The following ATG10 variants were observed in gnomAD, a reference collection of about 807,000 sequenced individuals.
ATG10 encodes the protein ubiquitin-like-conjugating enzyme ATG10.
ATG10 carries 30 observed loss-of-function variants against 32.1 expected under a neutral mutation model. The observed-to-expected ratio is 0.94, with a 90% confidence interval of 0.70 to 1.27. The LOEUF (loss-of-function observed/expected upper bound fraction) is 1.27. Among genes scored for constraint, ATG10 ranks in the 50% most tolerant of loss-of-function variants. The probability of loss-of-function intolerance (pLI) is 0.00; values close to 1 mark genes in which losing one functional copy is unlikely to be tolerated. For missense variants in ATG10, 233 were observed against 262.3 expected, an observed-to-expected ratio of 0.89 and a Z score of 0.77; for synonymous variants, 87 against 91.5, an observed-to-expected ratio of 0.95 and a Z score of 0.28.
In ATG10 at chr5:82,151,718, G is replaced by A. The variant is rs188371063; in HGVS notation, c.217-12681G>A. Among the ~76,000 whole-genome samples the A allele has an allele frequency of 1.1e-3, 164 of 151,660 alleles. 2 individuals carry two copies. Among genetic ancestry groups the A allele is most frequent in the African/African-American group, 3.9e-3 (160 of 41,388 alleles). On this transcript the variant is annotated intron_variant, in intron 3 of 7. Coordinates refer to ENST00000282185, the MANE Select transcript of ATG10 (RefSeq NM_031482.5). Reference sequence around the variant, plus strand: ...TCCAAATTTAAAATTAAGATTATTTGAAATATGGATTTATATTTGCTATTA... The same window carrying A: ...TCCAAATTTAAAATTAAGATTATTTAAAATATGGATTTATATTTGCTATTA...
intron 3 of ATG10, among the ~76,000 whole-genome samples, chr5:82,159,408 T>C (rs1206344273): frequency 6.6e-6 from 1 of 152,138 alleles, no homozygotes; most frequent in Non-Finnish European, 1.5e-5. Context: ...CTAGGTGGCA[T>C]TGGGTAAGGC....
chr5:82,062,736 T>G (rs1763824462), intron 3 of ATG10, among the ~76,000 whole-genome samples: 1 of 152,148 alleles, frequency 6.6e-6, no homozygotes, highest in African/African-American at 2.4e-5. Context: ...GCCTCCAAGT[T>G]GGAAACTAAC....
chr5:82,212,337 C>G (rs146835907), intron 5 of ATG10, among the ~76,000 whole-genome samples: 129 of 152,278 alleles, frequency 8.5e-4, no homozygotes, highest in African/African-American at 2.8e-3. Flanking sequence ...TCTTTCTTCT[C>G]AAGGATGACT....
chr5:82,061,777 C>G (rs1763783377), intron 3 of ATG10, among the ~76,000 whole-genome samples: 1 of 70,144 alleles, frequency 1.4e-5, no homozygotes, highest in African/African-American at 4.3e-5. Flanking sequence ...TATACATGTA[C>G]ACATATATAT....
chr5:82,125,542 A>G (rs1478836072), intron 3 of ATG10, among the ~76,000 whole-genome samples: 2 of 152,126 alleles, frequency 1.3e-5, no homozygotes, highest in East Asian at 3.8e-4. Flanking sequence ...TGTTTTCCCT[A>G]TTGCTTGTTT....
At chr5:82,166,700 C>T (rs1272221033) in intron 4 of ATG10, among the ~76,000 whole-genome samples, 1 of 151,948 alleles carries the variant, frequency 6.6e-6, no homozygotes, top group Non-Finnish European at 1.5e-5. Flanking sequence ...AAATCTCTGT[C>T]AGTGTGGTGA....
intron 2 of ATG10, among the ~76,000 whole-genome samples, chr5:82,046,712 GT>G (rs1176427329): frequency 6.6e-6 from 1 of 152,196 alleles, no homozygotes; most frequent in Non-Finnish European, 1.5e-5. Flanking sequence ...AACTGGGAAA[GT>G]TAATTAATTA....
In ATG10 at chr5:82,042,454, T is replaced by C. The variant is rs552487173; in HGVS notation, c.109-16041T>C. 2.0e-5 allele frequency among the ~76,000 whole-genome samples: 3 copies of C among 152,266 alleles called. No individual in the cohort carries two copies. In the South Asian group the frequency reaches 6.2e-4, roughly 32 times the overall value. On this transcript the variant is annotated intron_variant, in intron 2 of 7. Transcript: ENST00000282185. ...AACCGTATCATTCCACCTTGGCCCC[T>C]CTCAAATCTCATGTCCTTCTCACAT...
intron 3 of ATG10, among the ~76,000 whole-genome samples, chr5:82,152,900 A>G (rs1401512567): frequency 6.6e-6 from 1 of 152,206 alleles, no homozygotes; most frequent in Non-Finnish European, 1.5e-5. Flanking sequence ...GGCAACAGAC[A>G]ATTTATACTC....
At chr5:81,975,130 C>G (rs973606662) in intron 1 of ATG10, among the ~76,000 whole-genome samples, 40 of 152,242 alleles carry the variant, frequency 2.6e-4, no homozygotes, top group African/African-American at 9.4e-4. Context: ...AAAAGTTGCT[C>G]TGAGGATTTG....
rs145443099 is a variant in ATG10 at position 82,131,530 on chromosome 5, A to G, written c.217-32869A>G. The stretch of plus-strand genomic sequence containing the variant: ...CAGTCTATATTACAGAGTTTCTTCA[A>G]GAATAAGACAAAATGAGATAATAGA... On this transcript the variant is annotated intron_variant, in intron 3 of 7. Coordinates refer to ENST00000282185, the MANE Select transcript of ATG10 (RefSeq NM_031482.5). Among the ~76,000 whole-genome samples, 207 of 152,282 alleles carry G rather than the reference A, an allele frequency of 1.4e-3. 2 individuals are homozygous for G. Among genetic ancestry groups the G allele is most frequent in the Non-Finnish European group, 2.4e-3 (166 of 68,030 alleles).
At chr5:82,088,948 G>A (rs1250088340) in intron 3 of ATG10, among the ~76,000 whole-genome samples, 1 of 152,132 alleles carries the variant, frequency 6.6e-6, no homozygotes, top group Non-Finnish European at 1.5e-5. Context: ...AAATTTATAT[G>A]AAAAGGCAAA....
chr5:82,043,574 C>T (rs1763149290), intron 2 of ATG10, among the ~76,000 whole-genome samples: 1 of 152,184 alleles, frequency 6.6e-6, no homozygotes, highest in African/African-American at 2.4e-5. Flanking sequence ...AATTTTTATG[C>T]TCTGCTTCCC....
chr5:82,225,579 G>C (rs1746095396), intron 5 of ATG10, among the ~76,000 whole-genome samples: 1 of 152,186 alleles, frequency 6.6e-6, no homozygotes, highest in South Asian at 2.1e-4. Context: ...AAATGGCCTT[G>C]ACCTCATTAT....
At chr5:82,217,545 CT>C (rs1246635845) in intron 5 of ATG10, among the ~76,000 whole-genome samples, 2 of 151,904 alleles carry the variant, frequency 1.3e-5, no homozygotes, top group African/African-American at 4.8e-5. Flanking sequence ...CCACATGAAT[CT>C]TTTGTGACAA....
chr5:82,087,786 G>A (rs1227239870), intron 3 of ATG10, among the ~76,000 whole-genome samples: 2 of 151,920 alleles, frequency 1.3e-5, no homozygotes, highest in Admixed American at 6.6e-5. Context: ...TTTGCTGAGA[G>A]GGTAGATCTT....
chr5:82,039,737 T>G (rs1050108613), intron 2 of ATG10, among the ~76,000 whole-genome samples: 10 of 152,258 alleles, frequency 6.6e-5, no homozygotes, highest in Admixed American at 1.3e-4. Context: ...GCAATTCATG[T>G]TTCAGCTATG....
chr5:82,128,844 GC>G (rs1009427229), intron 3 of ATG10, among the ~76,000 whole-genome samples: 1 of 151,402 alleles, frequency 6.6e-6, no homozygotes, highest in African/African-American at 2.4e-5. Context: ...TTTTTGGGTT[GC>G]TCTTCTCAAG....
intron 2 of ATG10, among the ~76,000 whole-genome samples, chr5:82,046,479 C>T (rs1014502175): frequency 6.6e-6 from 1 of 152,158 alleles, no homozygotes; most frequent in African/African-American, 2.4e-5. Context: ...AGGCAACAGC[C>T]TAAAGAGAGA....
Sources: allele counts gnomAD v4.1 joint callset (sites outside exome capture counted in the v4.1 genomes callset), GRCh38; gene constraint gnomAD v4.1.1; transcripts MANE v1.5; gene names NCBI Gene and HGNC (gene_info 2026-07-23, HGNC 2026-07-21).